AP2M1: variants seen among roughly 807,000 people sequenced by gnomAD.
AP2M1 encodes adaptor related protein complex 2 subunit mu 1, also known as AP-2 complex subunit mu.
In AP2M1, 5 loss-of-function variants were observed where a neutral mutation model predicts 54.5. That is an observed-to-expected ratio of 0.09 (90% CI 0.05 to 0.19). The LOEUF (loss-of-function observed/expected upper bound fraction) is 0.19. Ranked by LOEUF, AP2M1 falls within the 10% of genes least tolerant of loss-of-function variation. The pLI is 1.00. For synonymous variants in AP2M1, 186 were observed against 208.2 expected (o/e 0.89, Z 0.92); for missense variants, 178 against 580.2 (o/e 0.31, Z 7.12).
At chr3:184,179,493 G>A in intron 3 of AP2M1, 1 of 274,758 alleles carries the variant, frequency 3.6e-6, no homozygotes, top group Non-Finnish European at 7.1e-6. Context: ...GGGAGAGTGA[G>A]ATATTACAAG....
rs537575647 is a variant in AP2M1, at chr3:184,176,756, G to C, written c.-43-195G>C. ...AGAATCCTGGGCCTAATCTCTCTCTGTTTCTTTCTCCCATCTAGTGTGGAA... is the reference window on the plus strand; with the variant it reads ...AGAATCCTGGGCCTAATCTCTCTCTCTTTCTTTCTCCCATCTAGTGTGGAA... On this transcript the variant is annotated intron_variant, in intron 1 of 11. Transcript: ENST00000292807. The C allele has an allele frequency of 6.2e-5, 31 of 502,428 alleles. 1 individual carries two copies. Among genetic ancestry groups the C allele is most frequent in the South Asian group, 4.8e-4 (15 of 31,574 alleles). The allele number at this position is 502,428 out of a possible 1,614,324, so 31.1% of individuals were successfully genotyped here.
At chr3:184,175,730 G>GC (rs1715053088) in intron 1 of AP2M1, among the ~76,000 whole-genome samples, 1 of 151,936 alleles carries the variant, frequency 6.6e-6, no homozygotes, top group Non-Finnish European at 1.5e-5. Context: ...CTTGCCCAAG[G>GC]CCCCCCTCTG....
In AP2M1 at chr3:184,181,490, C is replaced by A; in HGVS notation, c.708-206C>A. ...GCCTCTGCCCAGTGTGCCTGAAACACCCAGGTCCCTAGCAGAAGGAGCCCC... is the reference window on the plus strand; with the variant it reads ...GCCTCTGCCCAGTGTGCCTGAAACAACCAGGTCCCTAGCAGAAGGAGCCCC... On this transcript the variant is annotated intron_variant, in intron 7 of 11. Transcript: ENST00000292807. The surrounding 1 kb of genome is among the most constrained non-coding windows in gnomAD (Gnocchi z 5.7). The A allele has an allele frequency of 1.2e-6, 1 of 841,534 alleles. No homozygotes were observed. The highest frequency in any genetic ancestry group is 1.8e-6 in the Non-Finnish European group (1 of 554,862). The allele number at this position is 841,534 out of a possible 1,614,324, so 52.1% of individuals were successfully genotyped here.
intron 2 of AP2M1, chr3:184,177,725 C>G: frequency 9.9e-7 from 1 of 1,014,792 alleles, no homozygotes; most frequent in East Asian, 2.6e-5. Flanking sequence ...CCTGCCTTCT[C>G]ATTCTGCGCC....
In AP2M1 at chr3:184,183,402, T is replaced by C; in HGVS notation, c.1174-80T>C. On this transcript the variant is annotated intron_variant, in intron 11 of 11. Coordinates refer to ENST00000292807, the MANE Select transcript of AP2M1 (RefSeq NM_004068.4). This position sits in a 1 kb window ranked among gnomAD's most constrained non-coding sequence, Gnocchi z 5.7. Reference sequence around the variant, plus strand: ...ACAAACACCTGTAGTAGCGATGAAGTAGGGCAGGGCAACGGGACTTCCCAG... The same window carrying C: ...ACAAACACCTGTAGTAGCGATGAAGCAGGGCAGGGCAACGGGACTTCCCAG... 1 of 1,587,766 alleles carries C rather than the reference T, an allele frequency of 6.3e-7. No homozygotes were observed. The highest frequency in any genetic ancestry group is 1.7e-5 in the Admixed American group (1 of 57,440).
At position 184,178,149 on chromosome 3, in the gene AP2M1, T is replaced by G; in HGVS notation, c.75-708T>G. The stretch of plus-strand genomic sequence containing the variant: ...GGTGTGTTGTGTGTCTAACCCTCTC[T>G]CTCGTTGCTATCACTCTCCTCTTCT... On this transcript the variant is annotated intron_variant, in intron 2 of 11. Coordinates refer to ENST00000292807, the MANE Select transcript of AP2M1 (RefSeq NM_004068.4). The surrounding 1 kb of genome is among the most constrained non-coding windows in gnomAD (Gnocchi z 4.9). 6.7e-7 allele frequency: 1 copy of G among 1,496,402 alleles called. No individual in the cohort carries two copies. The highest frequency in any genetic ancestry group is 9.0e-7 in the Non-Finnish European group (1 of 1,110,788). 92.7% of individuals were successfully genotyped at this position (1,496,402 alleles called of 1,614,324 possible).
In AP2M1 at chr3:184,182,366, A is replaced by G; in HGVS notation, c.1061+118A>G. 8.9e-7 allele frequency: 1 copy of G among 1,118,384 alleles called. No homozygotes were observed. Among genetic ancestry groups the G allele is most frequent in the East Asian group, 2.6e-5 (1 of 38,626 alleles). The allele number at this position is 1,118,384 out of a possible 1,614,324, so 69.3% of individuals were successfully genotyped here. On this transcript the variant is annotated intron_variant, in intron 10 of 11. Transcript: ENST00000292807. This position sits in a 1 kb window ranked among gnomAD's most constrained non-coding sequence, Gnocchi z 5.5. ...GAGTGTGCCTGTTTGCTTTTCTAGG[A>G]GCCTCTGCTTGTACTGTCAGTCTTT...
rs554696282 is a variant in AP2M1 at position 184,180,406 on chromosome 3, G to T, written c.423+155G>T. ...CATGATTGCAGGCCGATTTTGCTCT[G>T]TGTGGTCCTCCCACTGCAGGAGCAG... On this transcript the variant is annotated intron_variant, in intron 4 of 11. Transcript: ENST00000292807. The surrounding 1 kb of genome is among the most constrained non-coding windows in gnomAD (Gnocchi z 4.9). 3.1e-5 allele frequency: 34 copies of T among 1,095,728 alleles called. No homozygotes were observed. The Admixed American group carries it at 5.0e-4, about 16-fold the overall frequency. The allele number at this position is 1,095,728 out of a possible 1,614,324, so 67.9% of individuals were successfully genotyped here.
chr3:184,178,902 G>A lies in AP2M1; in HGVS notation c.120G>A (p.Arg40=). 6.2e-7 allele frequency: 1 copy of A among 1,614,130 alleles called. No individual in the cohort carries two copies. Among genetic ancestry groups the A allele is most frequent in the Non-Finnish European group, 8.5e-7 (1 of 1,180,032 alleles). Residue 40 remains arginine (R), a synonymous_variant, in exon 3 of 12, where the codon CGG becomes CGA. Transcript: ENST00000292807. The surrounding 1 kb of genome is among the most constrained non-coding windows in gnomAD (Gnocchi z 4.9). ...DAFRVNVIHA[R]QQVRSPVTNI... is the part of the protein sequence containing the mutation. ...TTCGGGTCAATGTTATCCATGCCCGGCAGCAGGTGCGCAGCCCCGTCACCA... is the reference window on the plus strand; with the variant it reads ...TTCGGGTCAATGTTATCCATGCCCGACAGCAGGTGCGCAGCCCCGTCACCA...
rs1299054398 is a variant in AP2M1 at position 184,181,482 on chromosome 3, C to T, written c.708-214C>T. 1.2e-6 allele frequency: 1 copy of T among 825,690 alleles called. No individual in the cohort carries two copies. The highest frequency in any genetic ancestry group is 1.7e-5 in the African/African-American group (1 of 58,046). 51.1% of individuals were successfully genotyped at this position (825,690 alleles called of 1,614,324 possible). A position where few individuals can be genotyped will look rare whatever the true frequency, so the allele number is the denominator to read the frequency against. The stretch of plus-strand genomic sequence containing the variant: ...TACTGACAGCCTCTGCCCAGTGTGC[C>T]TGAAACACCCAGGTCCCTAGCAGAA... On this transcript the variant is annotated intron_variant, in intron 7 of 11. Coordinates refer to ENST00000292807, the MANE Select transcript of AP2M1 (RefSeq NM_004068.4). This position sits in a 1 kb window ranked among gnomAD's most constrained non-coding sequence, Gnocchi z 5.7.
intron 2 of AP2M1, 143 bp downstream of exon 2, chr3:184,177,210 C>T (rs1271612479): frequency 2.3e-6 from 2 of 859,186 alleles, no homozygotes; most frequent in Non-Finnish European, 3.5e-6. Flanking sequence ...CTAGTGTAGC[C>T]TGGCTCCCAT....
rs1423300387 is a variant in AP2M1 at position 184,182,126 on chromosome 3, TC to T, written c.964-22del. On this transcript the variant is annotated intron_variant, in intron 9 of 11. Transcript: ENST00000292807. This position sits in a 1 kb window ranked among gnomAD's most constrained non-coding sequence, Gnocchi z 5.5. Reference sequence around the variant, plus strand: ...AGCTGATGTCACAGCTTGACAGAGCTCCCTGACAGGTGTGTCACTTCTAGGT... The same window carrying T: ...AGCTGATGTCACAGCTTGACAGAGCTCCTGACAGGTGTGTCACTTCTAGGT... 3.1e-6 allele frequency: 5 copies of T among 1,612,900 alleles called. No individual in the cohort carries two copies. The highest frequency in any genetic ancestry group is 1.7e-5 in the Admixed American group (1 of 59,866).
chr3:184,176,684 G>C, intron 1 of AP2M1: 1 of 451,370 alleles, frequency 2.2e-6, no homozygotes. Context: ...GAGGGGGCGG[G>C]GGTTACTGAT....
intron 3 of AP2M1, chr3:184,179,350 C>A: frequency 1.8e-6 from 1 of 566,128 alleles, no homozygotes; most frequent in Non-Finnish European, 3.1e-6. Context: ...AGGTGATCTT[C>A]CAAGGGGCTA....
At position 184,180,827 on chromosome 3, in the gene AP2M1, G is replaced by C; in HGVS notation, c.430-22G>C. ...GGGACAGAGGAGTGAGGCCATTGCT[G>C]TTTGTTTCTGCCCTCATGTAGACAA... On this transcript the variant is annotated intron_variant, in intron 5 of 11. Transcript: ENST00000292807. This position sits in a 1 kb window ranked among gnomAD's most constrained non-coding sequence, Gnocchi z 4.9. The C allele has an allele frequency of 1.9e-6, 3 of 1,614,250 alleles. No homozygotes were observed. The highest frequency in any genetic ancestry group is 2.5e-6 in the Non-Finnish European group (3 of 1,180,046).
In AP2M1 at chr3:184,180,608, CTT is replaced by C. The variant is rs1295227805; in HGVS notation, c.424-36_424-35del. 7 of 1,613,380 alleles carry C rather than the reference CTT, an allele frequency of 4.3e-6. No individual in the cohort carries two copies. Among genetic ancestry groups the C allele is most frequent in the Non-Finnish European group, 5.1e-6 (6 of 1,180,046 alleles). ...TCCTCCTTTTCTGCCTCCCTTGCTG[CTT>C]CATGTGGGCACCTCGTTGGCCCTGC... On this transcript the variant is annotated intron_variant, in intron 4 of 11. Transcript: ENST00000292807. The surrounding 1 kb of genome is among the most constrained non-coding windows in gnomAD (Gnocchi z 4.9).
In AP2M1 at chr3:184,183,108, G is replaced by C; in HGVS notation, c.1173+240G>C. On this transcript the variant is annotated intron_variant, in intron 11 of 11. Coordinates refer to ENST00000292807, the MANE Select transcript of AP2M1 (RefSeq NM_004068.4). The surrounding 1 kb of genome is among the most constrained non-coding windows in gnomAD (Gnocchi z 5.7). Reference sequence around the variant, plus strand: ...TAACACAGTTCTTTCAAAAAACTTAGATTGTTTAAATGCCAGGTAAGACAC... The same window carrying C: ...TAACACAGTTCTTTCAAAAAACTTACATTGTTTAAATGCCAGGTAAGACAC... 1.7e-6 allele frequency: 1 copy of C among 578,958 alleles called. No individual in the cohort carries two copies. Among genetic ancestry groups the C allele is most frequent in the East Asian group, 3.0e-5 (1 of 33,682 alleles). The allele number at this position is 578,958 out of a possible 1,614,324, so 35.9% of individuals were successfully genotyped here.
chr3:184,179,532 C>G (rs1715199961), intron 3 of AP2M1, among the ~76,000 whole-genome samples: 1 of 152,138 alleles, frequency 6.6e-6, no homozygotes, highest in Non-Finnish European at 1.5e-5. Context: ...TATCTCTGTT[C>G]CTCTGTAGAG....
At chr3:184,175,252 G>T (rs1050571217) in intron 1 of AP2M1, 4 of 357,314 alleles carry the variant, frequency 1.1e-5, no homozygotes, top group African/African-American at 8.4e-5. Flanking sequence ...CCCCTCCCTA[G>T]GATCGTGCCA....
Sources: allele counts gnomAD v4.1 joint callset (sites outside exome capture counted in the v4.1 genomes callset), GRCh38; gene constraint gnomAD v4.1.1; non-coding constraint Gnocchi (gnomAD v3.1); transcripts MANE v1.5; gene names NCBI Gene and HGNC (gene_info 2026-07-23, HGNC 2026-07-21).